Variants in ROBO2 observed in about 807,000 individuals in gnomAD.
ROBO2 encodes roundabout guidance receptor 2.
Under a neutral mutation model 160.8 loss-of-function variants are expected in ROBO2, and 53 were observed. That is an observed-to-expected ratio of 0.33 (90% CI 0.26 to 0.41). ROBO2 has a LOEUF of 0.41. Among genes scored for constraint, ROBO2 ranks in the 10% least tolerant of loss-of-function variants. The pLI is 1.00. For synonymous variants in ROBO2, 664 were observed against 611.7 expected, an observed-to-expected ratio of 1.09 and a Z score of -1.26; for missense variants, 1,577 against 1,722.4, an observed-to-expected ratio of 0.92 and a Z score of 1.49.
intron 2 of ROBO2, among the ~76,000 whole-genome samples, chr3:76,845,756 C>T (rs2068718850): frequency 6.6e-6 from 1 of 152,030 alleles, no homozygotes; most frequent in Admixed American, 6.6e-5. Flanking sequence ...AAAAAATCAA[C>T]ATGGTAACCT....
At chr3:76,237,682 T>G (rs910864617) in intron 2 of ROBO2, among the ~76,000 whole-genome samples, 26 of 152,228 alleles carry the variant, frequency 1.7e-4, no homozygotes, top group African/African-American at 6.0e-4. Flanking sequence ...CATGTATGAT[T>G]ACTGATGTGT....
At chr3:76,342,482 G>A (rs1471134189) in intron 2 of ROBO2, among the ~76,000 whole-genome samples, 2 of 152,088 alleles carry the variant, frequency 1.3e-5, no homozygotes, top group Non-Finnish European at 2.9e-5. Flanking sequence ...AACTATGAGT[G>A]TAGGGAACCC....
chr3:77,180,416 C>CTATATATATATATATATATATATA (rs71104657), intron 2 of ROBO2, among the ~76,000 whole-genome samples: 3 of 90,704 alleles, frequency 3.3e-5, no homozygotes, highest in Non-Finnish European at 6.8e-5. Context: ...CTCTCTCTCT[C>CTATATATATATATATATATATATA]TATATATATA....
At chr3:77,084,574 C>T (rs1041135462) in intron 1 of ROBO2, among the ~76,000 whole-genome samples, 1 of 152,038 alleles carries the variant, frequency 6.6e-6, no homozygotes, top group Non-Finnish European at 1.5e-5. Context: ...GACAAGAAAG[C>T]ATTGCATTTC....
At chr3:76,814,053 C>T (rs1255744813) in intron 2 of ROBO2, among the ~76,000 whole-genome samples, 3 of 151,946 alleles carry the variant, frequency 2.0e-5, no homozygotes, top group East Asian at 1.9e-4. Context: ...TCATTATAAT[C>T]GGAACATATA....
chr3:77,179,420 G>A (rs974121214), intron 2 of ROBO2, among the ~76,000 whole-genome samples: 32 of 151,074 alleles, frequency 2.1e-4, no homozygotes, highest in African/African-American at 7.6e-4. Context: ...GCTCATGAAT[G>A]TGCATGAATA....
intron 2 of ROBO2, among the ~76,000 whole-genome samples, chr3:76,982,061 T>G (rs1456642243): frequency 6.6e-6 from 1 of 152,046 alleles, no homozygotes; most frequent in Non-Finnish European, 1.5e-5. Context: ...TTCTTTGAAC[T>G]AAAAAAAGCC....
At chr3:76,396,991 A>C (rs1038251722) in intron 2 of ROBO2, among the ~76,000 whole-genome samples, 2 of 152,168 alleles carry the variant, frequency 1.3e-5, no homozygotes, top group Non-Finnish European at 2.9e-5. Flanking sequence ...TTCATATGGA[A>C]CCAAAAAAGA....
intron 2 of ROBO2, among the ~76,000 whole-genome samples, chr3:76,780,801 T>A (rs541937463): frequency 6.6e-6 from 1 of 151,048 alleles, no homozygotes; most frequent in Non-Finnish European, 1.5e-5. Context: ...AGTACCATCC[T>A]GTTTTAATTA....
chr3:77,242,306 A>C (rs532348628), intron 2 of ROBO2, among the ~76,000 whole-genome samples: 49 of 152,230 alleles, frequency 3.2e-4, no homozygotes, highest in African/African-American at 1.1e-3. Context: ...TTTTTTCTGA[A>C]GCTTAGTTTT....
chr3:76,785,275 A>G (rs1374663323), intron 2 of ROBO2, among the ~76,000 whole-genome samples: 1 of 151,188 alleles, frequency 6.6e-6, no homozygotes, highest in East Asian at 2.0e-4. Flanking sequence ...ATGGTATGGT[A>G]TAACAAGTGT....
intron 2 of ROBO2, among the ~76,000 whole-genome samples, chr3:77,470,384 G>A (rs1448204779): frequency 1.3e-5 from 2 of 152,292 alleles, no homozygotes; most frequent in East Asian, 1.9e-4. Context: ...TTCTGAACTA[G>A]GGCAGTGGAG....
intron 2 of ROBO2, among the ~76,000 whole-genome samples, chr3:76,043,533 A>G (rs561880433): frequency 2.8e-5 from 4 of 145,120 alleles, no homozygotes; most frequent in South Asian, 2.2e-4. Context: ...AAGACCTAAC[A>G]TTGACTCCAG....
intron 2 of ROBO2, among the ~76,000 whole-genome samples, chr3:77,406,940 A>G (rs2076300576): frequency 6.6e-6 from 1 of 152,190 alleles, no homozygotes; most frequent in Admixed American, 6.6e-5. Flanking sequence ...TGCACTAATG[A>G]GATTTCTTTA....
intron 2 of ROBO2, among the ~76,000 whole-genome samples, chr3:76,504,817 C>T (rs113706513): frequency 0.043 from 6,529 of 152,086 alleles, 494 homozygotes; most frequent in African/African-American, 0.15. Context: ...CCTGAGCCAC[C>T]GCACCCAGCC....
chr3:76,509,764 G>A (rs1275184179), intron 2 of ROBO2, among the ~76,000 whole-genome samples: 1 of 152,150 alleles, frequency 6.6e-6, no homozygotes, highest in Non-Finnish European at 1.5e-5. Flanking sequence ...TTCACAATTT[G>A]TTTAGGCAAG....
intron 2 of ROBO2, among the ~76,000 whole-genome samples, chr3:76,955,415 A>G (rs2079185378): frequency 6.6e-6 from 1 of 152,098 alleles, no homozygotes; most frequent in Non-Finnish European, 1.5e-5. Flanking sequence ...TTCTATGTTG[A>G]TCTTTCTGAG....
At chr3:76,072,095 T>TC (rs979997796) in intron 2 of ROBO2, among the ~76,000 whole-genome samples, 10 of 152,182 alleles carry the variant, frequency 6.6e-5, no homozygotes, top group African/African-American at 9.6e-5. Flanking sequence ...TGTCATTTTT[T>TC]CACACATACT....
At chr3:76,081,595 GAT>G (rs895061003) in intron 2 of ROBO2, among the ~76,000 whole-genome samples, 14 of 152,182 alleles carry the variant, frequency 9.2e-5, no homozygotes, top group African/African-American at 3.4e-4. Context: ...CAACACTTTA[GAT>G]ATGTTTCACT....
Sources: gnomAD v4.1 joint callset for allele counts (sites outside exome capture counted in the v4.1 genomes callset) on GRCh38, gnomAD v4.1.1 for gene constraint, MANE v1.5 for transcripts, NCBI Gene and HGNC (gene_info 2026-07-23, HGNC 2026-07-21) for gene names.